SYNE1: variants seen among roughly 807,000 people sequenced by gnomAD.
SYNE1 encodes nesprin-1.
In SYNE1, 616 loss-of-function variants were observed where a neutral mutation model predicts 1,111.0. The observed-to-expected ratio is 0.55, with a 90% CI of 0.52 to 0.59. The LOEUF (loss-of-function observed/expected upper bound fraction) is 0.59, where lower values mean the gene tolerates loss of function less well. Among genes scored for constraint, SYNE1 ranks in the 20% least tolerant of loss-of-function variants. The pLI is 0.00. For missense variants in SYNE1, 10,006 were observed against 10,417.0 expected (o/e 0.96, Z 1.72); for synonymous variants, 3,855 against 3,825.8 (o/e 1.01, Z -0.28).
chr6:152,168,154 A>C (rs749209497), intron 130 of SYNE1: 20 of 778,158 alleles, frequency 2.6e-5, no homozygotes, highest in Non-Finnish European at 4.5e-5. Context: ...CTGCATCCAC[A>C]CAGCTGTCCT....
chr6:152,586,175 T>C (rs1312927438), intron 3 of SYNE1, among the ~76,000 whole-genome samples: 2 of 152,164 alleles, frequency 1.3e-5, no homozygotes, highest in African/African-American at 4.8e-5. Flanking sequence ...TTTGTAGACT[T>C]TTTTCTATAT....
Position 152,391,455 on chromosome 6 carries a change from A to G in SYNE1, c.7826T>C (p.Leu2609Pro). Residue 2609 changes from leucine (L) to proline (P), a missense_variant, in exon 52 of 146, where the codon CTT becomes CCT. Physicochemically the swap from Leu to Pro is moderately conservative, Grantham distance 98. Coordinates refer to ENST00000367255, the MANE Select transcript of SYNE1 (RefSeq NM_182961.4). ...CCGGAGTTTCTCTTTGGTCATTCTA[A>G]GTAGGTTCTGGTGGCTTGTGAGGAG... Reference protein sequence around the residue: ...SQLLTSHQNLLRMTKEKLRSC... With the variant: ...SQLLTSHQNLPRMTKEKLRSC... 6.2e-7 allele frequency: 1 copy of G among 1,613,896 alleles called. No homozygotes were observed. Among genetic ancestry groups the G allele is most frequent in the Non-Finnish European group, 8.5e-7 (1 of 1,179,972 alleles).
chr6:152,387,679 A>G lies in SYNE1; in HGVS notation c.8178-298T>C, dbSNP rs190053367. Among the ~76,000 whole-genome samples, 7 of 152,326 alleles carry G rather than the reference A, an allele frequency of 4.6e-5. No homozygotes were observed. The East Asian group carries it at 1.2e-3, about 25-fold the overall frequency. On this transcript the variant is annotated intron_variant, in intron 53 of 145. Coordinates refer to ENST00000367255, the MANE Select transcript of SYNE1 (RefSeq NM_182961.4). ...TTCTAAATGAGCAATATACATTTATATGTTATGTTGTTTAAAATCAGCATG... is the reference window on the plus strand; with the variant it reads ...TTCTAAATGAGCAATATACATTTATGTGTTATGTTGTTTAAAATCAGCATG...
Position 152,424,050 on chromosome 6 carries a change from G to A in SYNE1, c.5267+1331C>T, listed in dbSNP as rs370540274. Among the ~76,000 whole-genome samples the A allele has an allele frequency of 1.4e-4, 21 of 152,026 alleles. No homozygotes were observed. The East Asian group carries it at 3.5e-3, about 25-fold the overall frequency. On this transcript the variant is annotated intron_variant, in intron 39 of 145. Transcript: ENST00000367255. ...TTGCTTAGTTATGTATTTATTTTCC[G>A]CCCAGTTCCTTCCTCCCCTCTCTCC...
In SYNE1 at chr6:152,449,510, G is replaced by A. The variant is rs17366321; in HGVS notation, c.3504+23C>T. ...TTCCACTATGAGAAATTTTCCTCTA[G>A]CAAATAATGACCCTGAACTTACTTC... On this transcript the variant is annotated intron_variant, in intron 28 of 145. Transcript: ENST00000367255. 0.029 allele frequency: 44,949 copies of A among 1,561,570 alleles called. 790 individuals are homozygous for A. The highest frequency in any genetic ancestry group is 0.047 in the Middle Eastern group (280 of 5,966).
chr6:152,596,203 C>A (rs1329828100), intron 3 of SYNE1, among the ~76,000 whole-genome samples: 2 of 139,774 alleles, frequency 1.4e-5, no homozygotes, highest in Non-Finnish European at 3.0e-5. Flanking sequence ...GCCAATTTTA[C>A]ATTATGAGGT....
At position 152,401,241 on chromosome 6, in the gene SYNE1, A is replaced by G. The variant is rs1384232957; in HGVS notation, c.6926T>C (p.Val2309Ala). ...TGTTATGTCATTAATAAACTTCTCCACTTGTGTACTTTGAGCCGTGAAATC... is the reference window on the plus strand; with the variant it reads ...TGTTATGTCATTAATAAACTTCTCCGCTTGTGTACTTTGAGCCGTGAAATC... ...LKDFTAQSTQ[V>A]EKFINDITTW... Residue 2309 changes from valine to alanine, a missense_variant, in exon 47 of 146, where the codon GTG becomes GCG. This residue lies in a region of SYNE1 where 4,955 missense variants were observed against 5,017.2 expected (regional missense o/e 0.99). Coordinates refer to ENST00000367255, the MANE Select transcript of SYNE1 (RefSeq NM_182961.4). The G allele has an allele frequency of 3.7e-6, 6 of 1,614,124 alleles. No homozygotes were observed. Among genetic ancestry groups the G allele is most frequent in the Non-Finnish European group, 3.4e-6 (4 of 1,180,002 alleles).
At chr6:152,230,834 T>A (rs2082606976) in intron 114 of SYNE1, 132 bp from the exon 115 acceptor site, 1 of 1,053,622 alleles carries the variant, frequency 9.5e-7, no homozygotes, top group African/African-American at 1.6e-5. Flanking sequence ...TATATATGAT[T>A]TAAAACAGGG....
chr6:152,171,273 T>A (rs2065141342), intron 130 of SYNE1, among the ~76,000 whole-genome samples: 1 of 152,234 alleles, frequency 6.6e-6, no homozygotes, highest in South Asian at 2.1e-4. Flanking sequence ...AATCACGCTA[T>A]GACTCAGGCA....
At chr6:152,219,663 C>G (rs1011727593) in intron 119 of SYNE1, among the ~76,000 whole-genome samples, 17 of 152,140 alleles carry the variant, frequency 1.1e-4, no homozygotes, top group Non-Finnish European at 2.4e-4. Flanking sequence ...GTGGTGTCTT[C>G]TATATGTGTG....
At chr6:152,226,315 C>G (rs1227258296) in intron 115 of SYNE1, among the ~76,000 whole-genome samples, 1 of 112,218 alleles carries the variant, frequency 8.9e-6, no homozygotes, top group Non-Finnish European at 1.9e-5. Flanking sequence ...CACATTTCTA[C>G]TACTCACCTA....
intron 26 of SYNE1, 78 bp downstream of exon 26, chr6:152,450,969 A>C: frequency 6.2e-7 from 1 of 1,607,366 alleles, no homozygotes. Flanking sequence ...TTCAGACTCA[A>C]ACCAAAATAT....
intron 137 of SYNE1, chr6:152,147,308 T>C (rs2747665): frequency 0.37 from 56,684 of 152,074 alleles, 11,037 homozygotes; most frequent in Admixed American, 0.47. Context: ...CTCTCTCCGC[T>C]GAATATGCCC....
At chr6:152,451,568 C>A (rs893658649) in intron 25 of SYNE1, among the ~76,000 whole-genome samples, 1 of 148,990 alleles carries the variant, frequency 6.7e-6, no homozygotes, top group Non-Finnish European at 1.5e-5. Context: ...CTGCAACCTC[C>A]ACATCCTGGG....
chr6:152,498,098 T>C (rs948829750), intron 11 of SYNE1, among the ~76,000 whole-genome samples: 1 of 152,214 alleles, frequency 6.6e-6, no homozygotes, highest in African/African-American at 2.4e-5. Context: ...GATTTTTCTA[T>C]TCCAATGTTG....
chr6:152,570,799 C>T (rs2099449433), intron 3 of SYNE1, among the ~76,000 whole-genome samples: 1 of 152,144 alleles, frequency 6.6e-6, no homozygotes, highest in African/African-American at 2.4e-5. Context: ...GGTAAGAAGT[C>T]TTTCTTTTGT....
intron 4 of SYNE1, among the ~76,000 whole-genome samples, chr6:152,530,462 T>A (rs1293761767): frequency 1.5e-5 from 2 of 135,554 alleles, no homozygotes; most frequent in African/African-American, 5.3e-5. Flanking sequence ...AGAACCTAAT[T>A]GTATGGTTTT....
chr6:152,520,881 AGCTT>A (rs2099135613), intron 5 of SYNE1, among the ~76,000 whole-genome samples: 1 of 152,128 alleles, frequency 6.6e-6, no homozygotes, highest in African/African-American at 2.4e-5. Flanking sequence ...CCATTTATTT[AGCTT>A]ATTAGTTAAT....
At chr6:152,267,092 T>C (rs940965427) in intron 100 of SYNE1, among the ~76,000 whole-genome samples, 17 of 152,192 alleles carry the variant, frequency 1.1e-4, no homozygotes, top group Admixed American at 4.6e-4. Context: ...TTTCTTCAAC[T>C]TTTTTATAGT....
Sources: gnomAD v4.1 joint callset for allele counts (sites outside exome capture counted in the v4.1 genomes callset) on GRCh38, gnomAD v4.1.1 for gene constraint, gnomAD v4.1.1 regional missense constraint, MANE v1.5 for transcripts, NCBI Gene and HGNC (gene_info 2026-07-23, HGNC 2026-07-21) for gene names.